WDR7: variants seen among roughly 807,000 people sequenced by gnomAD.
WDR7 encodes the protein WD repeat domain 7.
A neutral mutation model predicts 169.4 loss-of-function variants in WDR7; 46 were observed. The observed-to-expected ratio is 0.27, with a 90% CI of 0.21 to 0.35. The LOEUF (loss-of-function observed/expected upper bound fraction) is 0.35. WDR7 is among the 10% of genes least tolerant of loss of function. The pLI is 1.00. For missense variants in WDR7, 1,534 were observed against 1,859.3 expected, an observed-to-expected ratio of 0.83 and a Z score of 3.22; for synonymous variants, 612 against 666.8, an observed-to-expected ratio of 0.92 and a Z score of 1.27.
At chr18:56,812,337 G>A (rs1379123985) in intron 19 of WDR7, among the ~76,000 whole-genome samples, 5 of 152,118 alleles carry the variant, frequency 3.3e-5, no homozygotes, top group African/African-American at 1.2e-4. Flanking sequence ...TTGCAGCCTT[G>A]CTGAACTAAC....
At chr18:56,816,258 CT>C (rs1328830478) in intron 20 of WDR7, 114 bp downstream of exon 20, 2 of 831,912 alleles carry the variant, frequency 2.4e-6, no homozygotes, top group Non-Finnish European at 3.6e-6. Context: ...GAAACTTGTA[CT>C]GATGGTGTAT....
intron 26 of WDR7, among the ~76,000 whole-genome samples, chr18:57,007,271 T>G (rs975441578): frequency 2.6e-5 from 4 of 152,120 alleles, no homozygotes; most frequent in Admixed American, 1.3e-4. Flanking sequence ...GAGCCACCGC[T>G]CCCGGCCTCC....
intron 26 of WDR7, among the ~76,000 whole-genome samples, chr18:56,987,912 C>G (rs567983861): frequency 6.6e-6 from 1 of 152,182 alleles, no homozygotes; most frequent in East Asian, 1.9e-4. Context: ...TCATTAATTT[C>G]TTGAACATTT....
At chr18:56,723,767 A>AT (rs1387289619) in intron 13 of WDR7, among the ~76,000 whole-genome samples, 3 of 152,040 alleles carry the variant, frequency 2.0e-5, no homozygotes, top group Non-Finnish European at 4.4e-5. Context: ...ATTTATTCAA[A>AT]TATATTTTCT....
chr18:56,665,368 A>G (rs1287589114), intron 1 of WDR7, among the ~76,000 whole-genome samples: 1 of 131,328 alleles, frequency 7.6e-6, no homozygotes, highest in African/African-American at 2.7e-5. Flanking sequence ...CTGTATTATA[A>G]TGGAAAACAC....
rs1326181237 is a variant in WDR7 at position 56,962,474 on chromosome 18, T to C, written c.4109T>C (p.Val1370Ala). Residue 1370 changes from valine (V) to alanine (A), a missense_variant, in exon 26 of 28, where the codon GTT becomes GCT. By Grantham distance (64) the Val-to-Ala change is moderately conservative. Coordinates refer to ENST00000254442, the MANE Select transcript of WDR7 (RefSeq NM_015285.3). Reference sequence around the variant, plus strand: ...TATGAGCGGAATCACAGAATAGCAGTTGGAGCTCGCCATGGTTCAGTGGCC... The same window carrying C: ...TATGAGCGGAATCACAGAATAGCAGCTGGAGCTCGCCATGGTTCAGTGGCC... ...SYYERNHRIA[V>A]GARHGSVALY... 5.0e-6 allele frequency: 8 copies of C among 1,613,018 alleles called. No individual in the cohort carries two copies. The highest frequency in any genetic ancestry group is 6.8e-6 in the Non-Finnish European group (8 of 1,179,360).
chr18:56,938,517 T>C lies in WDR7; in HGVS notation c.3832-16T>C, dbSNP rs1371386728. 1 of 1,612,938 alleles carries C rather than the reference T, an allele frequency of 6.2e-7. No homozygotes were observed. Among genetic ancestry groups the C allele is most frequent in the Admixed American group, 1.7e-5 (1 of 59,808 alleles). The stretch of plus-strand genomic sequence containing the variant: ...ATCAGTGTCAATCATATCTACAGCA[T>C]AGAAATGTTTTGTAGGTACACAGAC... On this transcript the variant is annotated splice_polypyrimidine_tract_variant and intron_variant, in intron 23 of 27. Coordinates refer to ENST00000254442, the MANE Select transcript of WDR7 (RefSeq NM_015285.3).
chr18:56,773,815 C>T (rs1357312439), intron 16 of WDR7, among the ~76,000 whole-genome samples: 1 of 151,978 alleles, frequency 6.6e-6, no homozygotes, highest in African/African-American at 2.4e-5. Context: ...GACTCAGTGC[C>T]GAATGCCTTT....
intron 20 of WDR7, among the ~76,000 whole-genome samples, chr18:56,826,045 T>G (rs2045196851): frequency 6.6e-6 from 1 of 152,160 alleles, no homozygotes; most frequent in African/African-American, 2.4e-5. Context: ...ATGTAGATGC[T>G]GCATTGGGGT....
At chr18:56,746,669 G>T (rs1168252681) in intron 14 of WDR7, among the ~76,000 whole-genome samples, 1 of 152,126 alleles carries the variant, frequency 6.6e-6, no homozygotes, top group Non-Finnish European at 1.5e-5. Context: ...TGATCCTCTG[G>T]CACTTGGATT....
chr18:57,016,280 T>C (rs2048206677), intron 26 of WDR7, among the ~76,000 whole-genome samples: 1 of 152,182 alleles, frequency 6.6e-6, no homozygotes, highest in South Asian at 2.1e-4. Context: ...TTCCAGTTTA[T>C]GTTACTAAAT....
intron 20 of WDR7, among the ~76,000 whole-genome samples, chr18:56,858,119 A>G (rs1043523464): frequency 6.6e-6 from 1 of 152,164 alleles, no homozygotes; most frequent in Non-Finnish European, 1.5e-5. Flanking sequence ...CTCCATGTGA[A>G]TAGCCTTCAG....
chr18:56,713,198 A>G (rs1051844083), intron 12 of WDR7, among the ~76,000 whole-genome samples: 2 of 152,202 alleles, frequency 1.3e-5, no homozygotes, highest in Non-Finnish European at 2.9e-5. Flanking sequence ...GGGCAGCAAA[A>G]AATTTATAAT....
chr18:56,858,596 G>C (rs905132123), intron 20 of WDR7, among the ~76,000 whole-genome samples: 15 of 152,122 alleles, frequency 9.9e-5, no homozygotes, highest in Admixed American at 2.6e-4. Flanking sequence ...GGGATTACAG[G>C]TGTGAGCCAC....
chr18:57,012,109 C>A (rs975169964), intron 26 of WDR7, among the ~76,000 whole-genome samples: 2 of 152,116 alleles, frequency 1.3e-5, no homozygotes, highest in Non-Finnish European at 2.9e-5. Context: ...ACACAGGTGC[C>A]TTCCTCCTCC....
At chr18:56,981,857 G>C (rs1189270472) in intron 26 of WDR7, among the ~76,000 whole-genome samples, 1 of 152,066 alleles carries the variant, frequency 6.6e-6, no homozygotes, top group Non-Finnish European at 1.5e-5. Flanking sequence ...AGAGAGTTTT[G>C]CTTTTTAAGA....
At chr18:56,991,239 T>C (rs71353986) in intron 26 of WDR7, among the ~76,000 whole-genome samples, 4,482 of 146,736 alleles carry the variant, frequency 0.031, 78 homozygotes, top group Non-Finnish European at 0.045. Flanking sequence ...CTCCGCCTCC[T>C]GGGTTCATGC....
intron 2 of WDR7, among the ~76,000 whole-genome samples, chr18:56,678,964 G>T (rs1308653297): frequency 1.3e-5 from 2 of 152,208 alleles, no homozygotes; most frequent in African/African-American, 4.8e-5. Flanking sequence ...GGACTGGGGG[G>T]TGGAATGACA....
intron 26 of WDR7, among the ~76,000 whole-genome samples, chr18:56,980,339 A>C (rs1368316633): frequency 6.6e-6 from 1 of 152,214 alleles, no homozygotes; most frequent in African/African-American, 2.4e-5. Flanking sequence ...TTGCATTTGC[A>C]TACCAGACGC....
Sources: allele counts gnomAD v4.1 joint callset (sites outside exome capture counted in the v4.1 genomes callset), GRCh38; gene constraint gnomAD v4.1.1; transcripts MANE v1.5; gene names NCBI Gene and HGNC (gene_info 2026-07-23, HGNC 2026-07-21).